PCDH7: variants seen among roughly 807,000 people sequenced by gnomAD.
The protein encoded by PCDH7 is protocadherin 7.
PCDH7 carries 17 observed loss-of-function variants against 58.9 expected under a neutral mutation model. The ratio of observed to expected loss-of-function variants is 0.29; its 90% CI spans 0.20 to 0.43. PCDH7 has a LOEUF of 0.43. Ranked by LOEUF, PCDH7 falls within the 20% of genes least tolerant of loss-of-function variation. The probability of loss-of-function intolerance (pLI) is 1.00; values close to 1 mark genes in which losing one functional copy is unlikely to be tolerated. For missense variants in PCDH7, 1,274 were observed against 1,441.0 expected (o/e 0.88, Z 1.88); for synonymous variants, 664 against 616.4 (o/e 1.08, Z -1.14).
At chr4:31,067,900 T>C (rs899833500) in intron 3 of PCDH7, among the ~76,000 whole-genome samples, 1 of 151,980 alleles carries the variant, frequency 6.6e-6, no homozygotes, top group Non-Finnish European at 1.5e-5. Flanking sequence ...TACCTTACAT[T>C]CTGAAAGAAT....
chr4:30,979,890 T>G (rs1750402541), intron 3 of PCDH7, among the ~76,000 whole-genome samples: 2 of 152,174 alleles, frequency 1.3e-5, no homozygotes, highest in Non-Finnish European at 2.9e-5. Context: ...AGCAAATTTT[T>G]GTCCACAGCT....
At chr4:31,005,250 T>TGGGAA (rs1032885347) in intron 3 of PCDH7, among the ~76,000 whole-genome samples, 20 of 152,168 alleles carry the variant, frequency 1.3e-4, no homozygotes, top group African/African-American at 4.8e-4. Context: ...ATGGGAAGGT[T>TGGGAA]GGGAAGCTGG....
At chr4:30,773,449 A>C (rs901374602) in intron 1 of PCDH7, among the ~76,000 whole-genome samples, 1 of 151,706 alleles carries the variant, frequency 6.6e-6, no homozygotes, top group Non-Finnish European at 1.5e-5. Flanking sequence ...ATAATCATAC[A>C]TTGTGTTTTT....
Position 30,721,868 on chromosome 4 carries a change from C to G in PCDH7, c.446C>G (p.Thr149Arg), listed in dbSNP as rs1315996583. The stretch of plus-strand genomic sequence containing the variant: ...CCCACCTTCCCGTCGCCCGTGCTCA[C>G]GCTCACGGTGGAGGAGAATCGGCCG... The change falls in exon 1 of 2, where the codon ACG becomes AGG. Residue 149 changes from threonine (T) to arginine (R), a missense_variant. Physicochemically the swap from Thr to Arg is moderately conservative, Grantham distance 71 (BLOSUM62 -1). Coordinates refer to ENST00000361762, the Ensembl canonical transcript of PCDH7. This position sits in a 1 kb window ranked among gnomAD's most constrained non-coding sequence, Gnocchi z 6.7. The G allele has an allele frequency of 6.2e-7, 1 of 1,603,686 alleles. No individual in the cohort carries two copies. Among genetic ancestry groups the G allele is most frequent in the Admixed American group, 1.7e-5 (1 of 58,824 alleles).
chr4:30,880,368 A>G (rs769670312), intron 1 of PCDH7, among the ~76,000 whole-genome samples: 5 of 152,120 alleles, frequency 3.3e-5, no homozygotes, highest in Non-Finnish European at 7.4e-5. Flanking sequence ...TAATTAAAAT[A>G]TTCTCCATAA....
chr4:30,929,425 A>G (rs1234782182), intron 2 of PCDH7, among the ~76,000 whole-genome samples: 1 of 152,152 alleles, frequency 6.6e-6, no homozygotes, highest in South Asian at 2.1e-4. Context: ...ATTAAGTCTC[A>G]TTATCATGTA....
At chr4:30,982,280 G>A (rs958037693) in intron 3 of PCDH7, among the ~76,000 whole-genome samples, 1 of 152,124 alleles carries the variant, frequency 6.6e-6, no homozygotes, top group African/African-American at 2.4e-5. Context: ...GAAATTAGGA[G>A]GAGGCATTCT....
At chr4:30,950,420 T>G (rs12642584) in intron 3 of PCDH7, among the ~76,000 whole-genome samples, 22,770 of 152,128 alleles carry the variant, frequency 0.15, 1,835 homozygotes, top group East Asian at 0.17. Context: ...ATGTATAGAG[T>G]TTAGAAGAAT....
At chr4:31,069,762 A>G (rs980043920) in intron 3 of PCDH7, among the ~76,000 whole-genome samples, 14 of 144,300 alleles carry the variant, frequency 9.7e-5, no homozygotes, top group African/African-American at 3.3e-4. Flanking sequence ...CACTTTTGTC[A>G]TGGTTGTACT....
At chr4:30,996,722 T>G (rs1466939528) in intron 3 of PCDH7, among the ~76,000 whole-genome samples, 1 of 152,250 alleles carries the variant, frequency 6.6e-6, no homozygotes, top group South Asian at 2.1e-4. Context: ...ATTGTTTTTA[T>G]AATACTGAGG....
chr4:31,097,638 A>ATATATAT (rs370034723), intron 3 of PCDH7, among the ~76,000 whole-genome samples: 10 of 79,248 alleles, frequency 1.3e-4, no homozygotes, highest in South Asian at 4.3e-4. Context: ...ATATATATAT[A>ATATATAT]AATCTTTTTT....
At chr4:31,117,395 T>C (rs1247693199) in intron 3 of PCDH7, among the ~76,000 whole-genome samples, 2 of 152,098 alleles carry the variant, frequency 1.3e-5, no homozygotes, top group East Asian at 1.9e-4. Flanking sequence ...GAGCTTTACA[T>C]TGAGTAACAC....
intron 3 of PCDH7, among the ~76,000 whole-genome samples, chr4:31,077,513 T>C (rs943183972): frequency 1.3e-5 from 2 of 152,186 alleles, no homozygotes; most frequent in African/African-American, 2.4e-5. Flanking sequence ...ATGATGCATT[T>C]CGGATACTGA....
At chr4:30,885,239 G>C (rs937567304) in intron 1 of PCDH7, 5 of 152,148 alleles carry the variant, frequency 3.3e-5, no homozygotes, top group Non-Finnish European at 4.4e-5. Flanking sequence ...TTAAGAGACA[G>C]GGTACCATAG....
chr4:30,825,039 T>G (rs1728927563), intron 1 of PCDH7, among the ~76,000 whole-genome samples: 1 of 152,136 alleles, frequency 6.6e-6, no homozygotes, highest in Admixed American at 6.6e-5. Flanking sequence ...TGAATAGATG[T>G]GGATGTGTTG....
chr4:31,116,089 A>G (rs1458679817), intron 3 of PCDH7, among the ~76,000 whole-genome samples: 1 of 152,298 alleles, frequency 6.6e-6, no homozygotes, highest in East Asian at 1.9e-4. Flanking sequence ...CCACCTGGTC[A>G]AGGGAGGGGA....
chr4:30,751,550 G>T (rs1378653322), intron 1 of PCDH7, among the ~76,000 whole-genome samples: 1 of 152,002 alleles, frequency 6.6e-6, no homozygotes, highest in East Asian at 1.9e-4. Flanking sequence ...AAGTTTATAG[G>T]TTATATAATT....
intron 3 of PCDH7, among the ~76,000 whole-genome samples, chr4:31,107,987 C>T (rs1209588627): frequency 6.6e-6 from 1 of 151,910 alleles, no homozygotes. Flanking sequence ...ACAAAATGAA[C>T]CAACACTTAA....
intron 2 of PCDH7, among the ~76,000 whole-genome samples, chr4:30,923,730 T>G (rs1160429870): frequency 6.6e-6 from 1 of 152,184 alleles, no homozygotes; most frequent in Non-Finnish European, 1.5e-5. Flanking sequence ...TACATTTATT[T>G]GTGACAAAGA....
Sources: gnomAD v4.1 joint callset for allele counts (sites outside exome capture counted in the v4.1 genomes callset) on GRCh38, gnomAD v4.1.1 for gene constraint, Gnocchi (gnomAD v3.1) non-coding constraint, MANE v1.5 for transcripts, NCBI Gene and HGNC (gene_info 2026-07-23, HGNC 2026-07-21) for gene names.